TNK2: variants seen among roughly 807,000 people sequenced by gnomAD.
TNK2 encodes the protein activated CDC42 kinase 1.
In TNK2, 83 loss-of-function variants were observed where a neutral mutation model predicts 101.8. The observed-to-expected ratio is 0.82, with a 90% CI of 0.68 to 0.98. The LOEUF is 0.98. TNK2 is among the 50% of genes least tolerant of loss of function. The pLI is 0.00. For missense variants in TNK2, 1,665 were observed against 1,483.2 expected, an observed-to-expected ratio of 1.12 and a Z score of -2.01; for synonymous variants, 804 against 633.0, an observed-to-expected ratio of 1.27 and a Z score of -4.06.
At chr3:195,906,322 G>A (rs1164117136) in intron 1 of TNK2, among the ~76,000 whole-genome samples, 1 of 152,140 alleles carries the variant, frequency 6.6e-6, no homozygotes, top group Non-Finnish European at 1.5e-5. Flanking sequence ...CGGTCCTAGG[G>A]ATTTACCTAA....
At chr3:195,883,128 G>GCCCC in intron 5 of TNK2, 29 bp downstream of exon 5, 7 of 1,591,864 alleles carry the variant, frequency 4.4e-6, no homozygotes, top group Non-Finnish European at 6.0e-6. Context: ...CCCTCTCCCT[G>GCCCC]CCCGCCCCCT....
intron 1 of TNK2, chr3:195,908,216 C>G (rs1296229816): frequency 3.9e-5 from 6 of 155,812 alleles, no homozygotes; most frequent in African/African-American, 1.4e-4. Context: ...GGGGCTACCC[C>G]TCTCTTCCCT....
chr3:195,895,261 G>A, intron 1 of TNK2: 1 of 1,552,048 alleles, frequency 6.4e-7, no homozygotes, highest in Non-Finnish European at 8.7e-7. Context: ...GTCCCTCCTC[G>A]CCCCCAGCCA....
intron 1 of TNK2, among the ~76,000 whole-genome samples, chr3:195,898,189 T>G (rs1760840655): frequency 6.6e-6 from 1 of 151,506 alleles, no homozygotes; most frequent in African/African-American, 2.4e-5. Context: ...CAACCAAGAC[T>G]CCTCCTCCGT....
chr3:195,891,337 C>G (rs1323504614), intron 1 of TNK2, among the ~76,000 whole-genome samples: 1 of 152,198 alleles, frequency 6.6e-6, no homozygotes, highest in South Asian at 2.1e-4. Context: ...ACCCGGGAGG[C>G]GGAGGCTGTG....
At chr3:195,879,903 T>G (rs531618880) in intron 6 of TNK2, among the ~76,000 whole-genome samples, 1 of 152,206 alleles carries the variant, frequency 6.6e-6, no homozygotes, top group South Asian at 2.1e-4. Context: ...GCAACTATAT[T>G]CATACCTTAC....
chr3:195,884,739 T>G, intron 4 of TNK2, 73 bp downstream of exon 4: 4 of 1,392,098 alleles, frequency 2.9e-6, no homozygotes, highest in Admixed American at 2.0e-5. Context: ...CACACCCTGG[T>G]TGGGGGCAGA....
chr3:195,888,721 C>A lies in TNK2; in HGVS notation c.-18-115G>T, dbSNP rs1256251452. ...CACGGCCACCCGGAAGGGCTCACAC[C>A]ACCTTCTGACTCCCGAGGGAAGCTA... On this transcript the variant is annotated intron_variant, in intron 1 of 15. Coordinates refer to ENST00000672887, the MANE Select transcript of TNK2 (RefSeq NM_001382273.1). The surrounding 1 kb of genome is among the most constrained non-coding windows in gnomAD (Gnocchi z 5.3). 1.0e-6 allele frequency: 1 copy of A among 972,732 alleles called. No individual in the cohort carries two copies. Among genetic ancestry groups the A allele is most frequent in the Non-Finnish European group, 1.5e-6 (1 of 678,888 alleles). 60.3% of individuals were successfully genotyped at this position (972,732 alleles called of 1,614,324 possible).
intron 1 of TNK2, among the ~76,000 whole-genome samples, chr3:195,903,620 G>A (rs1442303272): frequency 1.3e-5 from 2 of 152,114 alleles, no homozygotes; most frequent in Admixed American, 6.5e-5. Flanking sequence ...AGGAGGCTGA[G>A]GCAGGAGAAT....
At chr3:195,866,591 GC>G in intron 15 of TNK2, among the ~76,000 whole-genome samples, 1 of 152,342 alleles carries the variant, frequency 6.6e-6, no homozygotes, top group South Asian at 2.1e-4. Flanking sequence ...CCTAAAAAGT[GC>G]CATTCCTGGA....
chr3:195,867,738 G>T lies in TNK2; in HGVS notation c.2560C>A (p.Arg854=), dbSNP rs781059806. 4.4e-6 allele frequency: 7 copies of T among 1,601,564 alleles called. No homozygotes were observed. In the South Asian group the frequency reaches 6.7e-5, roughly 15 times the overall value. ...ATGGGCAGGATGCAGGGACCAGCCCGCGGGCCAGGGGCCTGGATCACCTGG... is the reference window on the plus strand; with the variant it reads ...ATGGGCAGGATGCAGGGACCAGCCCTCGGGCCAGGGGCCTGGATCACCTGG... ...TPQVIQAPGP[R]AGPCILPIVR... Residue 854 remains arginine (R), a synonymous_variant, in exon 13 of 16, where the codon CGG becomes AGG. Transcript: ENST00000672887.
chr3:195,866,895 T>A lies in TNK2; in HGVS notation c.3155A>T (p.His1052Leu). The part of the protein sequence containing the change: ...CHLLGSWGPA[H>L]HKR The stretch of plus-strand genomic sequence containing the variant: ...GACTGTGGGGCTCACTCACTTGTGG[T>A]GGGCAGGGCCCCAGGAGCCCAGAAG... Residue 1052 changes from histidine to leucine, a missense_variant, in exon 15 of 16, where the codon CAC (histidine) becomes CTC (leucine). Coordinates refer to ENST00000672887, the MANE Select transcript of TNK2 (RefSeq NM_001382273.1). The A allele has an allele frequency of 6.2e-7, 1 of 1,610,558 alleles. No homozygotes were observed. Among genetic ancestry groups the A allele is most frequent in the Non-Finnish European group, 8.5e-7 (1 of 1,178,938 alleles).
At chr3:195,889,911 C>G (rs866972966) in intron 1 of TNK2, among the ~76,000 whole-genome samples, 4 of 152,138 alleles carry the variant, frequency 2.6e-5, no homozygotes, top group Non-Finnish European at 5.9e-5. Context: ...CCAAGCCATC[C>G]CCCTCCCCCA....
intron 9 of TNK2, among the ~76,000 whole-genome samples, chr3:195,873,182 C>A (rs1478562002): frequency 6.6e-6 from 1 of 152,194 alleles, no homozygotes; most frequent in Non-Finnish European, 1.5e-5. Flanking sequence ...CTCAGCTCTC[C>A]CACAGTGACC....
Position 195,867,761 on chromosome 3 carries a change from T to G in TNK2, c.2537A>C (p.Gln846Pro). Residue 846 changes from glutamine (Q) to proline (P), a missense_variant, in exon 13 of 16, where the codon CAG becomes CCG. Coordinates refer to ENST00000672887, the MANE Select transcript of TNK2 (RefSeq NM_001382273.1). The stretch of plus-strand genomic sequence containing the variant: ...CCGCGGGCCAGGGGCCTGGATCACC[T>G]GGGGGGTGGCGTACTTGGGGTCTGA... ...FASDPKYATPQVIQAPGPRAG... is the reference protein window; with the variant it reads ...FASDPKYATPPVIQAPGPRAG... 1 of 1,588,448 alleles carries G rather than the reference T, an allele frequency of 6.3e-7. No homozygotes were observed. The highest frequency in any genetic ancestry group is 8.6e-7 in the Non-Finnish European group (1 of 1,169,122).
In TNK2 at chr3:195,892,328, T is replaced by C. The variant is rs1037236736; in HGVS notation, c.-18-3722A>G. ...GGCGGGGTCCCTCAGCCGCTCCCAGTCTTGCTTTCTGCCTCTCAGTCAAGT... is the reference window on the plus strand; with the variant it reads ...GGCGGGGTCCCTCAGCCGCTCCCAGCCTTGCTTTCTGCCTCTCAGTCAAGT... On this transcript the variant is annotated intron_variant, in intron 1 of 15. Coordinates refer to ENST00000672887, the MANE Select transcript of TNK2 (RefSeq NM_001382273.1). 9.1e-5 allele frequency: 124 copies of C among 1,360,890 alleles called. 1 individual carries two copies. In the South Asian group the frequency reaches 1.5e-3, roughly 17 times the overall value. The allele number at this position is 1,360,890 out of a possible 1,614,324, so 84.3% of individuals were successfully genotyped here.
intron 1 of TNK2, among the ~76,000 whole-genome samples, chr3:195,897,386 C>T (rs1325144768): frequency 6.6e-6 from 1 of 152,232 alleles, no homozygotes; most frequent in Non-Finnish European, 1.5e-5. Flanking sequence ...CTCCAGGACA[C>T]GGGGGCCCAC....
chr3:195,895,472 T>A (rs1760215001), intron 1 of TNK2: 4 of 1,377,034 alleles, frequency 2.9e-6, no homozygotes, highest in Non-Finnish European at 3.8e-6. Flanking sequence ...TCATCCGCCA[T>A]CGGCCGGCGG....
In TNK2 at chr3:195,882,279, T is replaced by C; in HGVS notation, c.659A>G (p.His220Arg). The C allele has an allele frequency of 6.2e-7, 1 of 1,613,480 alleles. No homozygotes were observed. The highest frequency in any genetic ancestry group is 1.6e-4 in the Middle Eastern group (1 of 6,062). ...AGTCCCCAGGAGGAAGTGGCCCTGGTGCTTACGTAGCCGGTCCAACAACGA... is the reference window on the plus strand; with the variant it reads ...AGTCCCCAGGAGGAAGTGGCCCTGGCGCTTACGTAGCCGGTCCAACAACGA... ...LGSLLDRLRK[H>R]QGHFLLGTLS... The change falls in exon 6 of 16, where the codon CAC becomes CGC. Residue 220 changes from histidine (H) to arginine (R), a missense_variant. Around this residue, in one of 3 missense-constraint regions of TNK2, gnomAD observed 490 missense variants for 522.5 expected, o/e 0.94. Coordinates refer to ENST00000672887, the MANE Select transcript of TNK2 (RefSeq NM_001382273.1). This position sits in a 1 kb window ranked among gnomAD's most constrained non-coding sequence, Gnocchi z 4.2.
Sources: allele counts gnomAD v4.1 joint callset (sites outside exome capture counted in the v4.1 genomes callset), GRCh38; gene constraint gnomAD v4.1.1; regional missense constraint gnomAD v4.1.1; non-coding constraint Gnocchi (gnomAD v3.1); transcripts MANE v1.5; gene names NCBI Gene and HGNC (gene_info 2026-07-23, HGNC 2026-07-21).